Variants in KCNK3 observed in about 807,000 individuals in gnomAD.
The protein encoded by KCNK3 is potassium channel subfamily K member 3.
A neutral mutation model predicts 27.3 loss-of-function variants in KCNK3; 9 were observed. That is an observed-to-expected ratio of 0.33 (90% CI 0.20 to 0.57). The LOEUF is 0.57. KCNK3 is among the 20% of genes least tolerant of loss of function. The pLI is 0.87. For missense variants in KCNK3, 391 were observed against 577.7 expected (o/e 0.68, Z 3.31); for synonymous variants, 278 against 273.8 (o/e 1.02, Z -0.15).
chr2:26,700,205 C>A (rs988087016), intron 1 of KCNK3, among the ~76,000 whole-genome samples: 4 of 152,224 alleles, frequency 2.6e-5, no homozygotes. Context: ...GGGCATAGAG[C>A]CCTGTTTCCT....
chr2:26,716,035 G>A (rs1264543239), intron 1 of KCNK3, among the ~76,000 whole-genome samples: 2 of 152,222 alleles, frequency 1.3e-5, no homozygotes, highest in Non-Finnish European at 2.9e-5. Flanking sequence ...CCCAGAAGAA[G>A]CGCTCGAGGC....
At position 26,728,261 on chromosome 2, in the gene KCNK3, G is replaced by T; in HGVS notation, c.878G>T (p.Gly293Val). The T allele has an allele frequency of 2.5e-6, 4 of 1,585,720 alleles. No individual in the cohort carries two copies. The South Asian group carries it at 4.6e-5, about 18-fold the overall frequency. ...GCCTCATCCACGGCGGCAGCGGGCG[G>T]CGGCGGCTTCCGCAACGTCTACGCG... ...DTASSTAAAGGGGFRNVYAEV... is the reference protein window; with the variant it reads ...DTASSTAAAGVGGFRNVYAEV... Residue 293 changes from glycine (G) to valine (V), a missense_variant, in exon 2 of 2, where the codon GGC (glycine) becomes GTC (valine). This residue lies in a region of KCNK3 where 192 missense variants were observed against 196.0 expected (regional missense o/e 0.98). Transcript: ENST00000302909.
At position 26,721,947 on chromosome 2, in the gene KCNK3, G is replaced by A. The variant is rs1663336155; in HGVS notation, c.284-5720G>A. On this transcript the variant is annotated intron_variant, in intron 1 of 1. Transcript: ENST00000302909. The surrounding 1 kb of genome is among the most constrained non-coding windows in gnomAD (Gnocchi z 4.3). The stretch of plus-strand genomic sequence containing the variant: ...CTACAGAAGGGCTGGGCCACCCAGA[G>A]AAGGAGATCAAAGAATCATATCGTC... Among the ~76,000 whole-genome samples the A allele has an allele frequency of 6.6e-6, 1 of 152,248 alleles. No homozygotes were observed. Among genetic ancestry groups the A allele is most frequent in the South Asian group, 2.1e-4 (1 of 4,832 alleles).
At chr2:26,717,972 T>A (rs1663262021) in intron 1 of KCNK3, among the ~76,000 whole-genome samples, 1 of 152,154 alleles carries the variant, frequency 6.6e-6, no homozygotes, top group Non-Finnish European at 1.5e-5. Context: ...AGAACCCCTG[T>A]CCTCATGGGG....
intron 1 of KCNK3, among the ~76,000 whole-genome samples, chr2:26,694,914 T>C (rs1670216301): frequency 6.6e-6 from 1 of 152,116 alleles, no homozygotes; most frequent in East Asian, 1.9e-4. Context: ...ACCTCCCAAC[T>C]GACCTCCCTG....
intron 1 of KCNK3, among the ~76,000 whole-genome samples, chr2:26,699,250 A>AAAGAAAGAAAGCAAGC (rs35378015): frequency 6.4e-4 from 91 of 142,868 alleles, no homozygotes; most frequent in East Asian, 2.2e-3. Context: ...AGAAAGAAAG[A>AAAGAAAGAAAGCAAGC]AAGCCAGCCA....
At position 26,730,739 on chromosome 2, in the gene KCNK3, C is replaced by T; in HGVS notation, c.*2171C>T. The stretch of plus-strand genomic sequence containing the variant: ...TGGCTGCACGTGGGACCTGAAGGTG[C>T]CCTCTGTGTTTATGTTGGGGGTGGG... On this transcript the variant is annotated 3_prime_UTR_variant, in exon 2 of 2. Coordinates refer to ENST00000302909, the MANE Select transcript of KCNK3 (RefSeq NM_002246.3). The T allele has an allele frequency of 6.5e-6, 1 of 153,044 alleles. No individual in the cohort carries two copies. The highest frequency in any genetic ancestry group is 1.5e-5 in the Non-Finnish European group (1 of 68,676). The allele number at this position is 153,044 out of a possible 1,614,324, so 9.5% of individuals were successfully genotyped here.
chr2:26,701,224 A>T (rs1670304060), intron 1 of KCNK3, among the ~76,000 whole-genome samples: 3 of 152,206 alleles, frequency 2.0e-5, no homozygotes, highest in African/African-American at 7.2e-5. Flanking sequence ...GACCTTGGGA[A>T]TCTGGTGGTA....
chr2:26,724,650 A>G, intron 1 of KCNK3: 2 of 983,734 alleles, frequency 2.0e-6, no homozygotes, highest in Non-Finnish European at 2.4e-6. Context: ...AGGCACATCT[A>G]GGCCAGGGCT....
chr2:26,695,386 T>C (rs752593693), intron 1 of KCNK3, among the ~76,000 whole-genome samples: 19 of 152,230 alleles, frequency 1.2e-4, no homozygotes, highest in South Asian at 2.1e-4. Context: ...TGCGCCTGGC[T>C]CTACCTTCTA....
At chr2:26,701,171 G>A (rs562848146) in intron 1 of KCNK3, among the ~76,000 whole-genome samples, 77 of 152,334 alleles carry the variant, frequency 5.1e-4, no homozygotes, top group African/African-American at 1.6e-3. Context: ...CATGAGATGT[G>A]TGGACCACAG....
At chr2:26,717,569 C>T (rs888845145) in intron 1 of KCNK3, among the ~76,000 whole-genome samples, 9 of 152,252 alleles carry the variant, frequency 5.9e-5, no homozygotes, top group Admixed American at 5.9e-4. Context: ...CAGGCTGTTC[C>T]TGGTGGATTC....
chr2:26,706,615 G>A (rs1036100279), intron 1 of KCNK3, among the ~76,000 whole-genome samples: 15 of 152,128 alleles, frequency 9.9e-5, no homozygotes, highest in African/African-American at 3.4e-4. Context: ...AGGAGGGGCC[G>A]GAGAGAGAAA....
chr2:26,704,705 T>C (rs1670350830), intron 1 of KCNK3, among the ~76,000 whole-genome samples: 1 of 152,176 alleles, frequency 6.6e-6, no homozygotes, highest in South Asian at 2.1e-4. Flanking sequence ...GGAGATTCCC[T>C]GGGGCTTTGG....
intron 1 of KCNK3, among the ~76,000 whole-genome samples, chr2:26,718,906 C>G (rs1663279267): frequency 6.6e-6 from 1 of 152,186 alleles, no homozygotes; most frequent in South Asian, 2.1e-4. Flanking sequence ...GTGTGCCCAG[C>G]CACATTTTTC....
intron 1 of KCNK3, among the ~76,000 whole-genome samples, chr2:26,713,945 G>A (rs1463206674): frequency 6.6e-6 from 1 of 150,782 alleles, no homozygotes; most frequent in Non-Finnish European, 1.5e-5. Context: ...GCGTGGTAGT[G>A]GGCACCTGTA....
At chr2:26,694,107 A>C (rs1670205462) in intron 1 of KCNK3, among the ~76,000 whole-genome samples, 1 of 152,088 alleles carries the variant, frequency 6.6e-6, no homozygotes, top group Admixed American at 6.5e-5. Context: ...CCAACACCCT[A>C]TGATTTCAGC....
intron 1 of KCNK3, among the ~76,000 whole-genome samples, chr2:26,711,117 G>A (rs1663103041): frequency 6.6e-6 from 1 of 152,180 alleles, no homozygotes; most frequent in Non-Finnish European, 1.5e-5. Flanking sequence ...AGTCCAGCCT[G>A]TGGCAAGCAG....
At chr2:26,699,359 C>T (rs1194001248) in intron 1 of KCNK3, among the ~76,000 whole-genome samples, 3 of 152,210 alleles carry the variant, frequency 2.0e-5, no homozygotes, top group Admixed American at 6.5e-5. Flanking sequence ...CCCGTTTCCA[C>T]GCATTACCGT....
Sources: gnomAD v4.1 joint callset for allele counts (sites outside exome capture counted in the v4.1 genomes callset) on GRCh38, gnomAD v4.1.1 for gene constraint, gnomAD v4.1.1 regional missense constraint, Gnocchi (gnomAD v3.1) non-coding constraint, MANE v1.5 for transcripts, NCBI Gene and HGNC (gene_info 2026-07-23, HGNC 2026-07-21) for gene names.